Variants in TTN observed in about 807,000 individuals in gnomAD.
The protein encoded by TTN is connectin.
TTN carries 1,525 observed loss-of-function variants against 3,223.0 expected under a neutral mutation model. That is an observed-to-expected ratio of 0.47 (90% confidence interval 0.45 to 0.49). The LOEUF (loss-of-function observed/expected upper bound fraction) is 0.49. TTN is among the 20% of genes least tolerant of loss of function. TTN has a pLI of 0.00. For missense variants in TTN, 40,786 were observed against 43,424.0 expected, an observed-to-expected ratio of 0.94 and a Z score of 5.40; for synonymous variants, 14,094 against 15,161.0, an observed-to-expected ratio of 0.93 and a Z score of 5.17.
chr2:178,529,956 C>G lies in TTN; in HGVS notation c.106531+4G>C. 6.3e-7 allele frequency: 1 copy of G among 1,582,894 alleles called. No individual in the cohort carries two copies. The highest frequency in any genetic ancestry group is 8.5e-7 in the Non-Finnish European group (1 of 1,171,984). On this transcript the variant is annotated splice_donor_region_variant and intron_variant, in intron 359 of 362. Transcript: ENST00000589042. ...AATGTGGGTAAAAACAAAAGCCAAC[C>G]TACCTTTTATTGTTAATTTGCAGCT...
chr2:178,629,574 C>G, intron 239 of TTN, 131 bp from the exon 240 acceptor site: 1 of 1,352,252 alleles, frequency 7.4e-7, no homozygotes, highest in Non-Finnish European at 1.0e-6. Context: ...ATTTTAACTC[C>G]CACGTGAACG....
Position 178,650,277 on chromosome 2 carries a change from A to G in TTN, c.39710-6T>C, listed in dbSNP as rs2154248782. ...TTCCTCAGGTTCTTCATATACTTTA[A>G]AGATATTAGTTAATTTTATTTCAAT... On this transcript the variant is annotated splice_region_variant and splice_polypyrimidine_tract_variant and intron_variant, in intron 209 of 362. Transcript: ENST00000589042. 3 of 1,556,116 alleles carry G rather than the reference A, an allele frequency of 1.9e-6. No homozygotes were observed. The highest frequency in any genetic ancestry group is 1.7e-6 in the Non-Finnish European group (2 of 1,148,422).
chr2:178,617,482 G>T lies in TTN; in HGVS notation c.47603C>A (p.Ser15868Tyr). 3 of 1,593,724 alleles carry T rather than the reference G, an allele frequency of 1.9e-6. No individual in the cohort carries two copies. The highest frequency in any genetic ancestry group is 2.6e-6 in the Non-Finnish European group (3 of 1,174,144). Residue 15868 changes from serine to tyrosine, a missense_variant, in exon 254 of 363, where the codon TCC (serine) becomes TAC (tyrosine). Coordinates refer to ENST00000589042, the MANE Select transcript of TTN (RefSeq NM_001267550.2). ...ERPSPPVNLT[S>Y]SDQTQSSVQL... ...AACTGATGACTGAGTCTGATCTGAG[G>T]AAGTTAGGTTTACAGGAGGACTTGG...
chr2:178,620,535 T>A lies in TTN; in HGVS notation c.45986A>T (p.Asn15329Ile). The change falls in exon 248 of 363, where the codon AAT becomes ATT. Residue 15329 changes from asparagine to isoleucine, a missense_variant. Physicochemically the swap from Asn to Ile is moderately radical, Grantham distance 149 (BLOSUM62 -3). Transcript: ENST00000589042. ...VTFWCKVNRL[N>I]VTLKWTKNGE... ...ATTTTTGGTCCACTTCAGTGTTACATTGAGACGATTCACCTTGCACCAGAA... is the reference window on the plus strand; with the variant it reads ...ATTTTTGGTCCACTTCAGTGTTACAATGAGACGATTCACCTTGCACCAGAA... 6.2e-7 allele frequency: 1 copy of A among 1,612,254 alleles called. No individual in the cohort carries two copies. The highest frequency in any genetic ancestry group is 8.5e-7 in the Non-Finnish European group (1 of 1,178,950).
chr2:178,640,657 G>A lies in TTN; in HGVS notation c.40634-27C>T, dbSNP rs774848913. On this transcript the variant is annotated intron_variant, in intron 220 of 362. Coordinates refer to ENST00000589042, the MANE Select transcript of TTN (RefSeq NM_001267550.2). ...TTTAAGATAAGATTATTTTTTCAGTGTTAATATTTGAATATTTAGGAAGCA... is the reference window on the plus strand; with the variant it reads ...TTTAAGATAAGATTATTTTTTCAGTATTAATATTTGAATATTTAGGAAGCA... The A allele has an allele frequency of 2.0e-6, 3 of 1,523,568 alleles. No individual in the cohort carries two copies. In the South Asian group the frequency reaches 3.7e-5, roughly 19 times the overall value. 94.4% of individuals were successfully genotyped at this position (1,523,568 alleles called of 1,614,324 possible).
chr2:178,756,889 T>C (rs368575762), intron 45 of TTN, 92 bp from the exon 46 acceptor site: 16 of 1,180,164 alleles, frequency 1.4e-5, no homozygotes, highest in Middle Eastern at 2.1e-4. Context: ...GCATGGAAGA[T>C]GAAGATGAAA....
Position 178,712,539 on chromosome 2 carries a change from G to A in TTN, c.27383C>T (p.Pro9128Leu). ...LNDYSIEKGK[P>L]LILEGTFTGT... ...AGTGAATGTACCCTCTAGGATCAGG[G>A]GTTTTCCTTTCTCTATGCTGTAATC... Residue 9128 changes from proline (P) to leucine (L), a missense_variant, in exon 95 of 363, where the codon CCC becomes CTC. Pro to Leu is a moderately conservative substitution (Grantham distance 98). Transcript: ENST00000589042. 2 of 1,613,434 alleles carry A rather than the reference G, an allele frequency of 1.2e-6. No individual in the cohort carries two copies. The highest frequency in any genetic ancestry group is 1.3e-5 in the African/African-American group (1 of 75,010).
At chr2:178,746,089 A>C in intron 47 of TTN, 1 of 1,613,460 alleles carries the variant, frequency 6.2e-7, no homozygotes, top group Non-Finnish European at 8.5e-7. Context: ...GAATTTTAAG[A>C]GTGTGACTTC....
rs528216574 is a variant in TTN at position 178,782,350 on chromosome 2, G to A, written c.3242C>T (p.Ala1081Val). Residue 1081 changes from alanine (A) to valine (V), a missense_variant, in exon 20 of 363, where the codon GCG becomes GTG. Ala to Val is a moderately conservative substitution (Grantham distance 64). Coordinates refer to ENST00000589042, the MANE Select transcript of TTN (RefSeq NM_001267550.2). The stretch of plus-strand genomic sequence containing the variant: ...CACTGGTTTTGTAATAAAGTAAGGC[G>A]CGGCAGGTTCTCCAGGCCCTGCTTG... Reference protein sequence around the residue: ...EEQAGPGEPAAPYFITKPVVQ... With the variant: ...EEQAGPGEPAVPYFITKPVVQ... 1.1e-5 allele frequency: 17 copies of A among 1,614,036 alleles called. No homozygotes were observed. In the East Asian group the frequency reaches 2.5e-4, roughly 23 times the overall value.
At position 178,740,565 on chromosome 2, in the gene TTN, T is replaced by A; in HGVS notation, c.12668A>T (p.His4223Leu). ...YPQSSIEPPM[H>L]SYLTSVAEEV... ...CTCAGCCACAGAGGTTAGATAAGAA[T>A]GCATTGGAGGTTCTATTGAAGACTG... The change falls in exon 48 of 363, where the codon CAT (histidine) becomes CTT (leucine). Residue 4223 changes from histidine to leucine, a missense_variant. Transcript: ENST00000589042. 1 of 1,613,882 alleles carries A rather than the reference T, an allele frequency of 6.2e-7. No homozygotes were observed. Among genetic ancestry groups the A allele is most frequent in the Non-Finnish European group, 8.5e-7 (1 of 1,179,828 alleles).
chr2:178,567,215 A>G lies in TTN; in HGVS notation c.78917T>C (p.Leu26306Ser), dbSNP rs374124734. ...VTGVTSEKCS[L>S]TWSPPLQDGG... Reference sequence around the variant, plus strand: ...ATCTTGAAGTGGTGGAGACCATGTTAAAGAGCATTTTTCAGAAGTGACTCC... The same window carrying G: ...ATCTTGAAGTGGTGGAGACCATGTTGAAGAGCATTTTTCAGAAGTGACTCC... The change falls in exon 326 of 363, where the codon TTA becomes TCA. Residue 26306 changes from leucine (L) to serine (S), a missense_variant. Leu to Ser is a moderately radical substitution (Grantham distance 145). Transcript: ENST00000589042. 6.2e-7 allele frequency: 1 copy of G among 1,610,338 alleles called. No homozygotes were observed. The highest frequency in any genetic ancestry group is 1.3e-5 in the African/African-American group (1 of 74,680).
At chr2:178,666,702 GA>G (rs2065985837) in intron 163 of TTN, 121 bp downstream of exon 163, 2 of 747,210 alleles carry the variant, frequency 2.7e-6, no homozygotes, top group Non-Finnish European at 4.1e-6. Flanking sequence ...CTACTTGGGG[GA>G]TCCATCTCTG....
At chr2:178,683,948 G>A in intron 133 of TTN, 51 bp downstream of exon 133, 3 of 1,380,996 alleles carry the variant, frequency 2.2e-6, no homozygotes, top group South Asian at 2.9e-5. Context: ...ATTAGTTTTA[G>A]TGTCTGGATG....
intron 1 of TTN, among the ~76,000 whole-genome samples, chr2:178,806,255 T>C (rs2094314375): frequency 6.6e-6 from 1 of 152,212 alleles, no homozygotes. Context: ...TGAACAACTT[T>C]CTGTGTCTAA....
rs1575615400 is a variant in TTN at position 178,560,697 on chromosome 2, C to T, written c.85435G>A (p.Gly28479Ser). Residue 28479 changes from glycine to serine, a missense_variant, in exon 326 of 363, where the codon GGT becomes AGT. Coordinates refer to ENST00000589042, the MANE Select transcript of TTN (RefSeq NM_001267550.2). ...SLSWGRPQED[G>S]GADIDYYIVE... ...ATGTAATAGTCGATATCTGCACCAC[C>T]ATCTTCTTGGGGACGTCCCCAGGAA... The T allele has an allele frequency of 3.1e-6, 5 of 1,613,684 alleles. No homozygotes were observed. Among genetic ancestry groups the T allele is most frequent in the Non-Finnish European group, 4.2e-6 (5 of 1,179,802 alleles).
intron 67 of TTN, 82 bp from the exon 68 acceptor site, chr2:178,727,945 C>A (rs1425582193): frequency 6.9e-7 from 1 of 1,451,972 alleles, no homozygotes; most frequent in Non-Finnish European, 9.1e-7. Context: ...TTTAAGAAAA[C>A]ACTCTTGGAA....
At position 178,586,790 on chromosome 2, in the gene TTN, T is replaced by C. The variant is rs748901968; in HGVS notation, c.64111A>G (p.Arg21371Gly). The C allele has an allele frequency of 1.3e-5, 21 of 1,612,180 alleles. No individual in the cohort carries two copies. Among genetic ancestry groups the C allele is most frequent in the Admixed American group, 1.7e-5 (1 of 59,792 alleles). Residue 21371 changes from arginine to glycine, a missense_variant, in exon 308 of 363, where the codon AGG becomes GGG. By Grantham distance (125) the Arg-to-Gly change is moderately radical. Transcript: ENST00000589042. ...SDPLSEPDPP[R>G]KLEVTEMTKN... is the part of the protein sequence containing the mutation. The stretch of plus-strand genomic sequence containing the variant: ...GTCATTTCAGTCACTTCTAATTTCC[T>C]TGGGGGATCCGGCTCACCTAGAAGA...
At chr2:178,749,449 T>C in intron 47 of TTN, 1 of 1,612,962 alleles carries the variant, frequency 6.2e-7, no homozygotes. Flanking sequence ...TCTGGTCTAT[T>C]TGCTCAATAG....
In TTN at chr2:178,554,681, G is replaced by A. The variant is rs201657835; in HGVS notation, c.88666C>T (p.Arg29556Trp). 1.4e-5 allele frequency: 22 copies of A among 1,613,770 alleles called. No homozygotes were observed. In the African/African-American group the frequency reaches 1.6e-4, roughly 12 times the overall value. ...GCACCACCATCATCAGCTGGAGGCC[G>A]CCAGAGAAGGGTGATCTTCTCAGCA... is the stretch of plus-strand genomic sequence containing the variant. ...VTAEKITLLW[R>W]PPADDGGAKI... Residue 29556 changes from arginine (R) to tryptophan (W), a missense_variant, in exon 332 of 363, where the codon CGG becomes TGG. Coordinates refer to ENST00000589042, the MANE Select transcript of TTN (RefSeq NM_001267550.2).
Sources: gnomAD v4.1 joint callset for allele counts (sites outside exome capture counted in the v4.1 genomes callset) on GRCh38, gnomAD v4.1.1 for gene constraint, MANE v1.5 for transcripts, NCBI Gene and HGNC (gene_info 2026-07-23, HGNC 2026-07-21) for gene names.